The following CST5 variants were observed in gnomAD, a reference collection of about 807,000 sequenced individuals.
CST5 encodes cystatin D.
A neutral mutation model predicts 11.5 loss-of-function variants in CST5; 13 were observed. The observed-to-expected ratio is 1.13, with a 90% CI of 0.73 to 1.79. CST5 has a LOEUF of 1.79. CST5 is among the 40% of genes most tolerant of loss of function. The pLI, the probability that CST5 is intolerant of heterozygous loss-of-function variation, is 0.00. For synonymous variants in CST5, 81 were observed against 67.6 expected (o/e 1.20, Z -0.97); for missense variants, 219 against 174.5 (o/e 1.25, Z -1.44).
intron 2 of CST5, among the ~76,000 whole-genome samples, chr20:23,876,581 G>T (rs1053903865): frequency 4.6e-5 from 7 of 152,188 alleles, no homozygotes; most frequent in African/African-American, 1.4e-4. Context: ...GTGCAGGACA[G>T]GGGAGGCAGC....
rs751792054 is a variant in CST5, at chr20:23,879,505, C to A, written c.172G>T (p.Val58Phe). The change falls in exon 1 of 3, where the codon GTC becomes TTC. Residue 58 changes from valine (V) to phenylalanine (F), a missense_variant. Physicochemically the swap from Val to Phe is conservative, Grantham distance 50. Transcript: ENST00000304710. ...CTGTAGTACTCATCCTTATTAATGA[C>A]CTTGTTGTACTCGCTGATGGCAAAG... is the stretch of plus-strand genomic sequence containing the variant. ...LDFAISEYNK[V>F]INKDEYYSRP... The A allele has an allele frequency of 1.9e-6, 3 of 1,613,908 alleles. No individual in the cohort carries two copies. Among genetic ancestry groups the A allele is most frequent in the African/African-American group, 1.3e-5 (1 of 74,858 alleles).
rs201737711 is a variant in CST5, at chr20:23,876,199, G to A, written c.418C>T (p.Arg140Trp). 176 of 1,613,300 alleles carry A rather than the reference G, an allele frequency of 1.1e-4. No homozygotes were observed. The highest frequency in any genetic ancestry group is 1.7e-4 in the Admixed American group (10 of 60,000). ...CCTTGCACAGACCCCTAGACTTTCC[G>A]GCACTTGTAGTTCAGAATGGAAATT... The part of the protein sequence containing the change: ...DKISILNYKC[R>W]KV Residue 140 changes from arginine (R) to tryptophan (W), a missense_variant, in exon 3 of 3, where the codon CGG becomes TGG. By Grantham distance (101) the Arg-to-Trp change is moderately radical. Coordinates refer to ENST00000304710, the MANE Select transcript of CST5 (RefSeq NM_001900.5).
intron 2 of CST5, 78 bp from the exon 3 acceptor site, chr20:23,876,349 A>C: frequency 8.5e-7 from 1 of 1,175,708 alleles, no homozygotes; most frequent in Non-Finnish European, 1.3e-6. Flanking sequence ...GGACATCAGA[A>C]TGGGGGTGAA....
At position 23,876,025 on chromosome 20, in the gene CST5, CT is replaced by C; in HGVS notation, c.*162del. The C allele has an allele frequency of 1.7e-6, 1 of 579,764 alleles. No homozygotes were observed. The highest frequency in any genetic ancestry group is 3.1e-6 in the Non-Finnish European group (1 of 322,442). The allele number at this position is 579,764 out of a possible 1,614,324, so 35.9% of individuals were successfully genotyped here. A position where few individuals can be genotyped will look rare whatever the true frequency, so the allele number is the denominator to read the frequency against. On this transcript the variant is annotated 3_prime_UTR_variant, in exon 3 of 3. Transcript: ENST00000304710. ...AAGAAGGAAGGAGCAAGGGCAGAGC[CT>C]CCTGCTGAGCAACAAAGGCCTCCTG... is the stretch of plus-strand genomic sequence containing the variant.
intron 1 of CST5, among the ~76,000 whole-genome samples, chr20:23,879,166 C>T (rs950283326): frequency 4.6e-5 from 7 of 152,148 alleles, no homozygotes. Context: ...AGAGTCAGCA[C>T]AGTCTCCATC....
chr20:23,877,221 C>G (rs936421021), intron 2 of CST5, among the ~76,000 whole-genome samples: 1 of 151,986 alleles, frequency 6.6e-6, no homozygotes, highest in African/African-American at 2.4e-5. Flanking sequence ...CACATGTGTA[C>G]ACCATCCCAC....
At chr20:23,877,438 T>A (rs912194541) in intron 2 of CST5, 67 bp downstream of exon 2, 4 of 1,197,086 alleles carry the variant, frequency 3.3e-6, no homozygotes. Flanking sequence ...CACACACACA[T>A]ACACACACAC....
chr20:23,878,506 C>T (rs115592741), intron 1 of CST5, among the ~76,000 whole-genome samples: 13 of 152,246 alleles, frequency 8.5e-5, no homozygotes, highest in African/African-American at 2.6e-4. Context: ...GTGATCCCTC[C>T]GGTGTCAGTC....
At position 23,875,966 on chromosome 20, in the gene CST5, A is replaced by G. The variant is rs1985952208; in HGVS notation, c.*222T>C. ...CTACTGTTTAATTGCAGGAGGTGGG[A>G]GAGTGTGCACTGCACACTGGGGCTA... On this transcript the variant is annotated 3_prime_UTR_variant, in exon 3 of 3. Coordinates refer to ENST00000304710, the MANE Select transcript of CST5 (RefSeq NM_001900.5). The G allele has an allele frequency of 7.3e-6, 3 of 413,002 alleles. No homozygotes were observed. The highest frequency in any genetic ancestry group is 1.3e-5 in the Non-Finnish European group (3 of 230,082). The allele number at this position is 413,002 out of a possible 1,614,324, so 25.6% of individuals were successfully genotyped here. A position where few individuals can be genotyped will look rare whatever the true frequency, so the allele number is the denominator to read the frequency against.
rs1355073070 is a variant in CST5 at position 23,876,109 on chromosome 20, G to A, written c.*79C>T. ...CATGAGGAGACCTCCCCCAGGGTGG[G>A]GGCCACCAGTCCAGGGGTGGGAGCA... On this transcript the variant is annotated 3_prime_UTR_variant, in exon 3 of 3. Transcript: ENST00000304710. The A allele has an allele frequency of 1.7e-6, 2 of 1,190,040 alleles. No individual in the cohort carries two copies. Among genetic ancestry groups the A allele is most frequent in the Non-Finnish European group, 1.2e-6 (1 of 815,832 alleles). 73.7% of individuals were successfully genotyped at this position (1,190,040 alleles called of 1,614,324 possible).
intron 1 of CST5, among the ~76,000 whole-genome samples, chr20:23,879,216 C>T (rs928442591): frequency 2.6e-5 from 4 of 152,178 alleles, no homozygotes; most frequent in African/African-American, 7.2e-5. Flanking sequence ...AGTCATGGTA[C>T]AGACACAGTG....
intron 1 of CST5, among the ~76,000 whole-genome samples, chr20:23,878,553 C>G (rs973643300): frequency 6.6e-6 from 1 of 152,194 alleles, no homozygotes; most frequent in Admixed American, 6.5e-5. Flanking sequence ...GCCCAACGAT[C>G]TACATCATTC....
At chr20:23,877,327 C>A (rs760653099) in intron 2 of CST5, among the ~76,000 whole-genome samples, 178 bp downstream of exon 2, 1 of 152,192 alleles carries the variant, frequency 6.6e-6, no homozygotes, top group Non-Finnish European at 1.5e-5. Flanking sequence ...ACACATGCAT[C>A]CTCCCATGCA....
rs1568569592 is a variant in CST5 at position 23,877,607 on chromosome 20, C to T, written c.243G>A (p.Gly81=). 2.0e-6 allele frequency: 3 copies of T among 1,511,856 alleles called. No homozygotes were observed. Among genetic ancestry groups the T allele is most frequent in the South Asian group, 2.5e-5 (2 of 79,584 alleles). The allele number at this position is 1,511,856 out of a possible 1,614,324, so 93.7% of individuals were successfully genotyped here. The change falls in exon 2 of 3, where the codon GGG becomes GGA. Residue 81 remains glycine, a synonymous_variant. Coordinates refer to ENST00000304710, the MANE Select transcript of CST5 (RefSeq NM_001900.5). ...VMAAYQQIVG[G]VNYYFNVKFG... is the part of the protein sequence containing the mutation. ...ACTTCACATTGAAGTAGTAGTTCAC[C>T]CCACCCACGATCTACACGCGTGGAA...
chr20:23,877,505 C>A lies in CST5; in HGVS notation c.345G>T (p.Glu115Asp). Reference protein sequence around the residue: ...CPFNDQPKLKEEEFCSFQINE... With the variant: ...CPFNDQPKLKDEEFCSFQINE... ...CCCCTGACCCACATCAGGCACATAC[C>A]TCTTTCAGTTTTGGCTGGTCATTGA... Residue 115 changes from glutamate (E) to aspartate (D), a missense_variant and splice_region_variant, in exon 2 of 3, where the codon GAG becomes GAT. Glu to Asp is a conservative substitution (Grantham distance 45). Coordinates refer to ENST00000304710, the MANE Select transcript of CST5 (RefSeq NM_001900.5). 1 of 1,613,684 alleles carries A rather than the reference C, an allele frequency of 6.2e-7. No individual in the cohort carries two copies. The highest frequency in any genetic ancestry group is 8.5e-7 in the Non-Finnish European group (1 of 1,179,582).
chr20:23,877,766 C>T (rs954188544), intron 1 of CST5, 148 bp from the exon 2 acceptor site: 5 of 658,554 alleles, frequency 7.6e-6, no homozygotes, highest in Middle Eastern at 4.0e-4. Context: ...CCTTCTCCTG[C>T]TGGCTGGCAG....
At chr20:23,878,869 G>A (rs1446656950) in intron 1 of CST5, among the ~76,000 whole-genome samples, 1 of 152,196 alleles carries the variant, frequency 6.6e-6, no homozygotes, top group Non-Finnish European at 1.5e-5. Context: ...GGTGATTGCT[G>A]TCCTCATTTT....
rs138735253 is a variant in CST5, at chr20:23,876,806, T to C, written c.346-535A>G. 6.8e-3 allele frequency among the ~76,000 whole-genome samples: 1,033 copies of C among 152,272 alleles called. 14 individuals are homozygous for C. Among genetic ancestry groups the C allele is most frequent in the African/African-American group, 0.024 (982 of 41,552 alleles). On this transcript the variant is annotated intron_variant, in intron 2 of 2. Transcript: ENST00000304710. The stretch of plus-strand genomic sequence containing the variant: ...GGGTGAGCTGGGGCAGGTCCAGGGC[T>C]TCTCAGCTAACAGGCATTTAATTCC...
chr20:23,878,188 T>C (rs1049824563), intron 1 of CST5, among the ~76,000 whole-genome samples: 2 of 152,216 alleles, frequency 1.3e-5, no homozygotes, highest in Non-Finnish European at 2.9e-5. Context: ...GAGGTATTTT[T>C]CCTCATTTCT....
Sources: allele counts gnomAD v4.1 joint callset (sites outside exome capture counted in the v4.1 genomes callset), GRCh38; gene constraint gnomAD v4.1.1; transcripts MANE v1.5; gene names NCBI Gene and HGNC (gene_info 2026-07-23, HGNC 2026-07-21).